Variants in URB1 observed in about 807,000 individuals in gnomAD.
URB1 encodes the protein nucleolar pre-ribosomal-associated protein 1.
In URB1, 197 loss-of-function variants were observed where a neutral mutation model predicts 242.3. That is an observed-to-expected ratio of 0.81 (90% CI 0.72 to 0.91). The LOEUF (loss-of-function observed/expected upper bound fraction) is 0.91. Ranked by LOEUF, URB1 falls within the 40% of genes least tolerant of loss-of-function variation. The probability of loss-of-function intolerance (pLI) is 0.00; values close to 1 mark genes in which losing one functional copy is unlikely to be tolerated. For synonymous variants in URB1, 1,153 were observed against 1,201.8 expected (o/e 0.96, Z 0.84); for missense variants, 2,721 against 2,860.5 (o/e 0.95, Z 1.11).
chr21:32,363,620 T>C (rs2033313391), intron 10 of URB1, among the ~76,000 whole-genome samples: 1 of 152,180 alleles, frequency 6.6e-6, no homozygotes, highest in African/African-American at 2.4e-5. Flanking sequence ...TCAGCTACCA[T>C]GAAAGTTCTC....
At chr21:32,361,489 G>T (rs2033287200) in intron 12 of URB1, among the ~76,000 whole-genome samples, 1 of 150,488 alleles carries the variant, frequency 6.6e-6, no homozygotes, top group African/African-American at 2.4e-5. Context: ...GCCTACCCTT[G>T]CAGGGCTGCC....
At chr21:32,342,354 C>T (rs970966553) in intron 24 of URB1, among the ~76,000 whole-genome samples, 4 of 152,228 alleles carry the variant, frequency 2.6e-5, no homozygotes, top group African/African-American at 9.6e-5. Context: ...TGTGTGCAGG[C>T]TGCTGCCTCC....
At chr21:32,356,891 G>A (rs1254065121) in intron 15 of URB1, among the ~76,000 whole-genome samples, 1 of 152,234 alleles carries the variant, frequency 6.6e-6, no homozygotes, top group African/African-American at 2.4e-5. Flanking sequence ...GGCAACCTAT[G>A]GAGGTCAAGA....
chr21:32,319,414 C>T lies in URB1; in HGVS notation c.5595G>A (p.Lys1865=). Residue 1865 remains lysine, a splice_region_variant and synonymous_variant, in exon 36 of 39, where the codon AAG becomes AAA. Coordinates refer to ENST00000382751, the MANE Select transcript of URB1 (RefSeq NM_014825.3). ...LTWILHILES[K]FLETPLLSNV... ...TAGACAGCAGCGGAGTCTCCAGAAA[C>T]CTAAAACCAAGCACAACAGCCTTCA... The T allele has an allele frequency of 6.6e-7, 1 of 1,511,276 alleles. No individual in the cohort carries two copies. Among genetic ancestry groups the T allele is most frequent in the Non-Finnish European group, 8.9e-7 (1 of 1,129,324 alleles). The allele number at this position is 1,511,276 out of a possible 1,614,324, so 93.6% of individuals were successfully genotyped here.
In URB1 at chr21:32,315,006, C is replaced by T. The variant is rs1234915866; in HGVS notation, c.6728G>A (p.Cys2243Tyr). The T allele has an allele frequency of 2.6e-6, 4 of 1,551,694 alleles. No homozygotes were observed. In the East Asian group the frequency reaches 9.8e-5, roughly 38 times the overall value. The change falls in exon 39 of 39, where the codon TGT becomes TAT. Residue 2243 changes from cysteine (C) to tyrosine (Y), a missense_variant. Transcript: ENST00000382751. Reference sequence around the variant, plus strand: ...GCTCGGGGCATCATCTGCGGCCTCACACACCATCCGGACGTGGGTTAAGAG... The same window carrying T: ...GCTCGGGGCATCATCTGCGGCCTCATACACCATCCGGACGTGGGTTAAGAG... ...DTLLTHVRMV[C>Y]EAADDAPSSE...
rs192846940 is a variant in URB1, at chr21:32,366,462, C to G, written c.1335+156G>C. Among the ~76,000 whole-genome samples the G allele has an allele frequency of 3.6e-3, 546 of 152,294 alleles. 2 individuals are homozygous for G. The highest frequency in any genetic ancestry group is 0.012 in the African/African-American group (500 of 41,548). ...GGTGCGTGGACCTGTCACTTATGGG[C>G]TATTTCAAACTACAGCCTCTGTCCT... On this transcript the variant is annotated intron_variant, in intron 10 of 38. Transcript: ENST00000382751.
chr21:32,381,106 G>A (rs746796266), intron 4 of URB1, among the ~76,000 whole-genome samples: 8 of 152,288 alleles, frequency 5.3e-5, no homozygotes, highest in Admixed American at 3.3e-4. Context: ...TGCCACTGTC[G>A]TGGCCCCCTG....
chr21:32,349,548 T>G, intron 20 of URB1, 65 bp from the exon 21 acceptor site: 2 of 1,445,722 alleles, frequency 1.4e-6, no homozygotes, highest in Non-Finnish European at 1.8e-6. Flanking sequence ...AGGCAGTGAC[T>G]TCCAGGGCCC....
At position 32,359,873 on chromosome 21, in the gene URB1, G is replaced by A; in HGVS notation, c.1792C>T (p.Pro598Ser). The A allele has an allele frequency of 6.5e-7, 1 of 1,547,958 alleles. No individual in the cohort carries two copies. The part of the protein sequence containing the change: ...ISEQGLREEV[P>S]PILQHHMLKV... The stretch of plus-strand genomic sequence containing the variant: ...AGCATGTGGTGCTGCAGAATGGGAG[G>A]CACCTCCTCTCGAAGGCCCTGCTCA... The change falls in exon 14 of 39, where the codon CCT becomes TCT. Residue 598 changes from proline (P) to serine (S), a missense_variant. Coordinates refer to ENST00000382751, the MANE Select transcript of URB1 (RefSeq NM_014825.3).
At chr21:32,382,279 G>A (rs1223720080) in intron 4 of URB1, among the ~76,000 whole-genome samples, 1 of 152,198 alleles carries the variant, frequency 6.6e-6, no homozygotes, top group East Asian at 1.9e-4. Flanking sequence ...TCTGCAAATA[G>A]CACACACATT....
chr21:32,352,594 A>T (rs1267803980), intron 19 of URB1, 116 bp downstream of exon 19: 14 of 1,273,260 alleles, frequency 1.1e-5, no homozygotes, highest in Non-Finnish European at 1.5e-5. Context: ...TTAGGGTAAG[A>T]AATTTCACCC....
At chr21:32,324,821 C>G (rs1476589384) in intron 31 of URB1, among the ~76,000 whole-genome samples, 1 of 152,200 alleles carries the variant, frequency 6.6e-6, no homozygotes, top group African/African-American at 2.4e-5. Flanking sequence ...TGCACAACAG[C>G]AGAGAGAAGT....
intron 5 of URB1, 54 bp downstream of exon 5, chr21:32,378,391 A>G: frequency 6.8e-7 from 1 of 1,470,294 alleles, no homozygotes; most frequent in South Asian, 1.2e-5. Flanking sequence ...AACGGTTTGC[A>G]GTAGGTTTTT....
rs34078592 is a variant in URB1, at chr21:32,330,197, GTTTTTTTTTTT to G, written c.4960+3109_4960+3119del. On this transcript the variant is annotated intron_variant, in intron 30 of 38. Transcript: ENST00000382751. ...CTAAGAAATGTACTTTTTGGGGAGT[GTTTTTTTTTTT>G]TTTTTTTTTTTTGGGTATATCCATT... Among the ~76,000 whole-genome samples, 2 of 84,700 alleles carry G rather than the reference GTTTTTTTTTTT, an allele frequency of 2.4e-5. 1 individual carries two copies. The highest frequency in any genetic ancestry group is 2.8e-4 in the Admixed American group (2 of 7,212). 55.6% of individuals were successfully genotyped at this position (84,700 alleles called of 152,430 possible).
chr21:32,352,122 C>T (rs917068955), intron 19 of URB1, among the ~76,000 whole-genome samples: 30 of 152,128 alleles, frequency 2.0e-4, no homozygotes, highest in African/African-American at 7.0e-4. Context: ...ACTGCTTTTT[C>T]GAATGCAGCT....
chr21:32,330,490 A>G (rs6517093), intron 30 of URB1, among the ~76,000 whole-genome samples: 117,298 of 143,040 alleles, frequency 0.82, 48,182 homozygotes, highest in Admixed American at 0.88. Flanking sequence ...AGACCAAGGG[A>G]AAAAAAAAAA....
intron 35 of URB1, among the ~76,000 whole-genome samples, chr21:32,319,853 G>C (rs981174114): frequency 3.3e-5 from 5 of 152,034 alleles, no homozygotes; most frequent in Admixed American, 2.6e-4. Context: ...GTTTCTTTTA[G>C]AGAAATTTCA....
chr21:32,320,895 C>T lies in URB1; in HGVS notation c.5485-255G>A, dbSNP rs73901398. ...ACTTCCGTTAATCCATCATCTGGAA[C>T]CCACCCACAAGCAAAGATGCACCAC... On this transcript the variant is annotated intron_variant, in intron 34 of 38. Transcript: ENST00000382751. 4.7e-3 allele frequency among the ~76,000 whole-genome samples: 723 copies of T among 152,280 alleles called. 9 individuals are homozygous for T. Among genetic ancestry groups the T allele is most frequent in the African/African-American group, 0.016 (684 of 41,558 alleles).
chr21:32,362,101 G>C, intron 11 of URB1, 80 bp from the exon 12 acceptor site: 1 of 1,489,168 alleles, frequency 6.7e-7, no homozygotes, highest in Non-Finnish European at 8.9e-7. Flanking sequence ...TTAACAAGAT[G>C]CAAAAAACAG....
Sources: gnomAD v4.1 joint callset for allele counts (sites outside exome capture counted in the v4.1 genomes callset) on GRCh38, gnomAD v4.1.1 for gene constraint, MANE v1.5 for transcripts, NCBI Gene and HGNC (gene_info 2026-07-23, HGNC 2026-07-21) for gene names.